Variants in CYREN observed in about 807,000 individuals in gnomAD.
CYREN encodes cell cycle regulator of NHEJ.
Under a neutral mutation model 9.7 loss-of-function variants are expected in CYREN, and 7 were observed. The ratio of observed to expected loss-of-function variants is 0.72; its 90% CI spans 0.41 to 1.36. The LOEUF (loss-of-function observed/expected upper bound fraction) is 1.36. CYREN is among the 40% of genes most tolerant of loss of function. CYREN has a pLI of 0.01. For missense variants in CYREN, 215 were observed against 198.1 expected (o/e 1.09, Z -0.51); for synonymous variants, 76 against 77.9 (o/e 0.98, Z 0.13).
chr7:135,114,065 T>C (rs1825990527), intron 2 of CYREN, among the ~76,000 whole-genome samples: 1 of 152,224 alleles, frequency 6.6e-6, no homozygotes, highest in Non-Finnish European at 1.5e-5. Flanking sequence ...AATATTCCAT[T>C]GTATGAATAT....
At chr7:135,171,318 T>G (rs112238572), upstream of CYREN, among the ~76,000 whole-genome samples, 67,997 of 112,938 alleles carry the variant, frequency 0.6, 16,065 homozygotes, top group South Asian at 0.74. Context: ...TGTTTTTTTT[T>G]TTTTTTTTAA....
chr7:135,111,647 G>C (rs755051518), intron 2 of CYREN, among the ~76,000 whole-genome samples: 1 of 151,946 alleles, frequency 6.6e-6, no homozygotes, highest in African/African-American at 2.4e-5. Flanking sequence ...TGTCATATCT[G>C]TGACACTACT....
At chr7:135,143,310 C>T (rs1829486040) in intron 2 of CYREN, among the ~76,000 whole-genome samples, 1 of 152,148 alleles carries the variant, frequency 6.6e-6, no homozygotes, top group Non-Finnish European at 1.5e-5. Flanking sequence ...AAAAGATCCA[C>T]ATAAATATAG....
At chr7:135,162,492 C>T (rs1829968364), downstream of CYREN, among the ~76,000 whole-genome samples, 2 of 152,222 alleles carry the variant, frequency 1.3e-5, no homozygotes, top group African/African-American at 4.8e-5. Flanking sequence ...TTAATGGACT[C>T]ATAGTTCCAC....
At chr7:135,107,908 T>C (rs1042163387) in intron 2 of CYREN, among the ~76,000 whole-genome samples, 3 of 152,334 alleles carry the variant, frequency 2.0e-5, no homozygotes, top group Middle Eastern at 3.4e-3. Context: ...GTTGGGTACA[T>C]ATATATTTAG....
In CYREN at chr7:135,094,528, A is replaced by G. The variant is rs894229092; in HGVS notation, n.411T>C. 21 of 456,680 alleles carry G rather than the reference A, an allele frequency of 4.6e-5. No individual in the cohort carries two copies. In the Admixed American group the frequency reaches 4.7e-4, roughly 10 times the overall value. The allele number at this position is 456,680 out of a possible 1,614,324, so 28.3% of individuals were successfully genotyped here. A position where few individuals can be genotyped will look rare whatever the true frequency, so the allele number is the denominator to read the frequency against. Reference sequence around the variant, plus strand: ...CTGGAGCTTCATTTTTGTGGACTTTATCTTCAGGAATCCCACCAGGTTCTC... The same window carrying G: ...CTGGAGCTTCATTTTTGTGGACTTTGTCTTCAGGAATCCCACCAGGTTCTC... On this transcript the variant is annotated non_coding_transcript_exon_variant, in exon 3 of 3. Transcript: ENST00000459937.
At chr7:135,130,096 A>G (rs1339030927) in intron 2 of CYREN, among the ~76,000 whole-genome samples, 3 of 151,994 alleles carry the variant, frequency 2.0e-5, no homozygotes, top group Non-Finnish European at 4.4e-5. Flanking sequence ...CCTCAGTACT[A>G]CTCCTTACAA....
chr7:135,108,452 C>T (rs1397623598), intron 2 of CYREN, among the ~76,000 whole-genome samples: 1 of 152,124 alleles, frequency 6.6e-6, no homozygotes, highest in Non-Finnish European at 1.5e-5. Context: ...TCTTATTTCT[C>T]CTTCACTGAG....
chr7:135,116,611 A>G (rs1826353043), intron 2 of CYREN, among the ~76,000 whole-genome samples: 2 of 152,026 alleles, frequency 1.3e-5, no homozygotes, highest in Non-Finnish European at 2.9e-5. Context: ...GGGAGGAGAG[A>G]GACTCTTTAT....
intron 1 of CYREN, chr7:135,169,657 G>C (rs893239754): frequency 2.0e-5 from 3 of 152,220 alleles, no homozygotes; most frequent in Admixed American, 6.5e-5. Context: ...GATCTAGTTT[G>C]GCCTCTCTTT....
intron 2 of CYREN, among the ~76,000 whole-genome samples, chr7:135,107,593 T>C (rs1422329256): frequency 6.6e-6 from 1 of 152,250 alleles, no homozygotes; most frequent in Non-Finnish European, 1.5e-5. Flanking sequence ...TTGGTTATGA[T>C]TTCAGTTCTT....
chr7:135,168,016 G>A (rs1206497831), intron 2 of CYREN: 7 of 792,912 alleles, frequency 8.8e-6, no homozygotes, highest in South Asian at 1.8e-5. Flanking sequence ...AGGCAACACC[G>A]GGGTGCCTCC....
downstream of CYREN, chr7:135,164,754 C>T: frequency 2.5e-6 from 4 of 1,614,236 alleles, no homozygotes; most frequent in Non-Finnish European, 3.4e-6. Context: ...CCTCCTAGCC[C>T]AGTGCAACAG....
At position 135,135,367 on chromosome 7, in the gene CYREN, CCT is replaced by C. The variant is rs1451595377; in HGVS notation, n.356+33380_356+33381del. 4 of 1,037,418 alleles carry C rather than the reference CCT, an allele frequency of 3.9e-6. No homozygotes were observed. In the Admixed American group the frequency reaches 1.3e-4, roughly 34 times the overall value. 64.3% of individuals were successfully genotyped at this position (1,037,418 alleles called of 1,614,324 possible). On this transcript the variant is annotated intron_variant and non_coding_transcript_variant, in intron 2 of 2. Coordinates refer to the CYREN transcript ENST00000459937. ...CCCCTTCCCCTTTCCCTATCTCTCCCCTTACACATGCATATGCATAAACTAAA... is the reference window on the plus strand; with the variant it reads ...CCCCTTCCCCTTTCCCTATCTCTCCCTACACATGCATATGCATAAACTAAA...
At chr7:135,161,077 G>A (rs929918179), downstream of CYREN, among the ~76,000 whole-genome samples, 2 of 152,248 alleles carry the variant, frequency 1.3e-5, no homozygotes, top group African/African-American at 4.8e-5. This position sits in a 1 kb window ranked among gnomAD's most constrained non-coding sequence, Gnocchi z 4.1. Flanking sequence ...AGTCGCACCA[G>A]ATGATGGCGA....
At chr7:135,101,335 T>C (rs1048594688) in intron 2 of CYREN, 1 of 445,922 alleles carries the variant, frequency 2.2e-6, no homozygotes, top group Admixed American at 2.4e-5. Context: ...GTTTTCACTA[T>C]ATCATCATTA....
chr7:135,131,019 A>C (rs757883927), intron 2 of CYREN, among the ~76,000 whole-genome samples: 11 of 152,164 alleles, frequency 7.2e-5, no homozygotes, highest in African/African-American at 1.2e-4. Flanking sequence ...AATTGCTTTT[A>C]ACTGTTTTAG....
intron 2 of CYREN, chr7:135,128,953 G>A: frequency 6.4e-7 from 1 of 1,574,662 alleles, no homozygotes; most frequent in Non-Finnish European, 8.7e-7. Context: ...AAGAAGCTGG[G>A]TAGTGAATGC....
At chr7:135,094,139 C>G (rs1822285510) in exon 3 of CYREN, 2 of 307,994 alleles carry the variant, frequency 6.5e-6, no homozygotes, top group African/African-American at 4.4e-5. Flanking sequence ...TAAAACTACT[C>G]TTAGAAGAAA....
Sources: gnomAD v4.1 joint callset for allele counts (sites outside exome capture counted in the v4.1 genomes callset) on GRCh38, gnomAD v4.1.1 for gene constraint, Gnocchi (gnomAD v3.1) non-coding constraint, MANE v1.5 for transcripts, NCBI Gene and HGNC (gene_info 2026-07-23, HGNC 2026-07-21) for gene names.